Variants in NAV2 observed in about 807,000 individuals in gnomAD.
NAV2 encodes the protein neuron navigator 2, also known as helicase, APC down-regulated 1.
Under a neutral mutation model 223.2 loss-of-function variants are expected in NAV2, and 54 were observed. That is an observed-to-expected ratio of 0.24 (90% CI 0.19 to 0.30). The LOEUF is 0.30. NAV2 is among the 10% of genes least tolerant of loss of function. NAV2 has a pLI of 1.00. For missense variants in NAV2, 2,806 were observed against 3,147.5 expected (o/e 0.89, Z 2.60); for synonymous variants, 1,279 against 1,239.3 (o/e 1.03, Z -0.67).
At chr11:19,782,842 A>G (rs1293584340) in intron 1 of NAV2, among the ~76,000 whole-genome samples, 2 of 152,206 alleles carry the variant, frequency 1.3e-5, no homozygotes, top group Non-Finnish European at 2.9e-5. Context: ...GAGTTGACAG[A>G]TATTGTTTAA....
chr11:19,463,784 G>C (rs937105030), intron 1 of NAV2, among the ~76,000 whole-genome samples: 16 of 152,124 alleles, frequency 1.1e-4, no homozygotes, highest in African/African-American at 3.4e-4. Context: ...AGGGAACAGG[G>C]AGCACTTGGG....
At chr11:19,712,722 C>G (rs1268514068), upstream of NAV2, 1 of 151,968 alleles carries the variant, frequency 6.6e-6, no homozygotes, top group African/African-American at 2.4e-5. Flanking sequence ...AGAGTTTAGG[C>G]CACACCCTCT....
chr11:19,539,753 T>C (rs926953705), intron 1 of NAV2, among the ~76,000 whole-genome samples: 2 of 152,196 alleles, frequency 1.3e-5, no homozygotes, highest in Admixed American at 1.3e-4. Context: ...CATTGCATAC[T>C]GAATTTGATG....
At chr11:19,472,029 A>G (rs2133938978) in intron 1 of NAV2, among the ~76,000 whole-genome samples, 1 of 152,302 alleles carries the variant, frequency 6.6e-6, no homozygotes, top group East Asian at 1.9e-4. Context: ...AAACTTAATT[A>G]TGTATATCTT....
chr11:19,745,165 G>A (rs996229292), intron 1 of NAV2, among the ~76,000 whole-genome samples: 1 of 152,168 alleles, frequency 6.6e-6, no homozygotes, highest in Non-Finnish European at 1.5e-5. Flanking sequence ...GATTTCAGAG[G>A]CACCCAGAAA....
intron 12 of NAV2, among the ~76,000 whole-genome samples, chr11:20,036,472 A>C (rs1264301915): frequency 6.6e-6 from 1 of 152,240 alleles, no homozygotes. Context: ...AGCCACTGCT[A>C]TCCAGGGGCA....
chr11:19,699,685 T>A (rs2403530), intron 1 of NAV2, among the ~76,000 whole-genome samples: 148,313 of 152,304 alleles, frequency 0.97, 72,336 homozygotes, highest in Middle Eastern at 1. Flanking sequence ...GACTTTGAGA[T>A]AACAGACATT....
At chr11:19,477,019 C>A (rs1045877558) in intron 1 of NAV2, among the ~76,000 whole-genome samples, 1 of 152,174 alleles carries the variant, frequency 6.6e-6, no homozygotes, top group Non-Finnish European at 1.5e-5. Context: ...CAGCCCCACC[C>A]TCCATCATAT....
intron 1 of NAV2, among the ~76,000 whole-genome samples, chr11:19,431,011 C>T (rs1257465414): frequency 2.0e-5 from 3 of 152,224 alleles, no homozygotes; most frequent in African/African-American, 4.8e-5. Flanking sequence ...AAAAAACTCC[C>T]TTCATGGCCT....
At chr11:19,636,717 G>A (rs1042885181) in intron 1 of NAV2, among the ~76,000 whole-genome samples, 8 of 152,078 alleles carry the variant, frequency 5.3e-5, no homozygotes, top group East Asian at 3.9e-4. Flanking sequence ...TGATCCACCC[G>A]CCTCGGCCTC....
rs991754507 is a variant in NAV2 at position 19,517,161 on chromosome 11, T to C, written c.75+166134T>C. On this transcript the variant is annotated intron_variant, in intron 1 of 37. Transcript: ENST00000360655. ...AACTCCCTTCTCCTGGCCTGCGCAG[T>C]CCACTTTCTTGGTTTCTCATGCCTG... is the stretch of plus-strand genomic sequence containing the variant. 2.6e-5 allele frequency among the ~76,000 whole-genome samples: 4 copies of C among 152,324 alleles called. 1 individual carries two copies. The highest frequency in any genetic ancestry group is 2.6e-4 in the Admixed American group (4 of 15,306).
chr11:19,864,311 C>G (rs1405058526), intron 3 of NAV2, among the ~76,000 whole-genome samples: 1 of 152,180 alleles, frequency 6.6e-6, no homozygotes, highest in Admixed American at 6.5e-5. Context: ...TCTTCCTTTG[C>G]ATTAATTATT....
intron 1 of NAV2, chr11:19,714,624 G>A: frequency 2.7e-6 from 1 of 373,250 alleles, no homozygotes; most frequent in Non-Finnish European, 5.4e-6. Flanking sequence ...GGGGGTGGAG[G>A]TGGCTGCCTC....
intron 3 of NAV2, among the ~76,000 whole-genome samples, chr11:19,863,748 T>C (rs1431676121): frequency 1.3e-5 from 2 of 152,220 alleles, no homozygotes; most frequent in African/African-American, 4.8e-5. Flanking sequence ...TGTCATCATA[T>C]ACTTATTTGT....
chr11:19,458,958 G>C (rs2133844612), intron 1 of NAV2, among the ~76,000 whole-genome samples: 1 of 152,386 alleles, frequency 6.6e-6, no homozygotes, highest in East Asian at 1.9e-4. Flanking sequence ...CCACAGCAGG[G>C]AGTCTTGAGT....
intron 10 of NAV2, among the ~76,000 whole-genome samples, chr11:19,950,234 A>G (rs925900117): frequency 1.2e-4 from 19 of 152,336 alleles, no homozygotes; most frequent in Admixed American, 9.8e-4. Flanking sequence ...CAAGAACCCA[A>G]TGGGTGAGCC....
intron 1 of NAV2, among the ~76,000 whole-genome samples, chr11:19,794,759 C>T (rs76465913): frequency 0.04 from 6,108 of 152,162 alleles, 357 homozygotes; most frequent in East Asian, 0.13. Flanking sequence ...ATGCCAACCT[C>T]CTTTCCCTCA....
chr11:19,404,065 G>A (rs1447878881), intron 1 of NAV2, among the ~76,000 whole-genome samples: 2 of 152,162 alleles, frequency 1.3e-5, no homozygotes, highest in East Asian at 3.9e-4. Context: ...GTCAGGCAAA[G>A]GTGGGGGCAG....
intron 11 of NAV2, chr11:20,027,217 A>G (rs1415018095): frequency 6.2e-6 from 6 of 970,024 alleles, no homozygotes; most frequent in Non-Finnish European, 6.1e-6. Context: ...TAGGTAGCCA[A>G]ACCCTTTCTC....
Sources: gnomAD v4.1 joint callset for allele counts (sites outside exome capture counted in the v4.1 genomes callset) on GRCh38, gnomAD v4.1.1 for gene constraint, MANE v1.5 for transcripts, NCBI Gene and HGNC (gene_info 2026-07-23, HGNC 2026-07-21) for gene names.